CD164: variants seen among roughly 807,000 people sequenced by gnomAD.
CD164 encodes the protein CD164 molecule.
A neutral mutation model predicts 24.6 loss-of-function variants in CD164; 11 were observed. That is an observed-to-expected ratio of 0.45 (90% confidence interval 0.28 to 0.74). The LOEUF (loss-of-function observed/expected upper bound fraction) is 0.74, where lower values mean the gene tolerates loss of function less well. Among genes scored for constraint, CD164 ranks in the 30% least tolerant of loss-of-function variants. The probability of loss-of-function intolerance (pLI) is 0.13; values close to 1 mark genes in which losing one functional copy is unlikely to be tolerated. For synonymous variants in CD164, 126 were observed against 100.3 expected, an observed-to-expected ratio of 1.26 and a Z score of -1.53; for missense variants, 295 against 243.7, an observed-to-expected ratio of 1.21 and a Z score of -1.40.
chr6:109,376,232 T>A, intron 3 of CD164, 120 bp from the exon 4 acceptor site: 1 of 591,566 alleles, frequency 1.7e-6, no homozygotes, highest in Non-Finnish European at 2.8e-6. Flanking sequence ...TTACAACACT[T>A]AAATACTACC....
intron 3 of CD164, among the ~76,000 whole-genome samples, chr6:109,376,706 TAC>T (rs940034672): frequency 1.3e-5 from 2 of 152,224 alleles, no homozygotes; most frequent in Non-Finnish European, 1.5e-5. Flanking sequence ...GCAGTACAAA[TAC>T]AGTTTTCCTT....
At chr6:109,381,745 A>G (rs1019154155) in intron 1 of CD164, 59 of 588,064 alleles carry the variant, frequency 1.0e-4, no homozygotes, top group Non-Finnish European at 1.4e-4. Flanking sequence ...CTTCCGGAGA[A>G]GGCTACCTCC....
intron 4 of CD164, chr6:109,372,863 A>G (rs930294032): frequency 6.6e-6 from 1 of 152,250 alleles, no homozygotes; most frequent in African/African-American, 2.4e-5. Context: ...GGTTCTCATT[A>G]CCCAGCCTCA....
chr6:109,370,371 C>CACATCCTGCAT, intron 5 of CD164, 40 bp downstream of exon 5: 2 of 1,489,194 alleles, frequency 1.3e-6, no homozygotes, highest in Non-Finnish European at 1.9e-6. Flanking sequence ...ACATCGTGCA[C>CACATCCTGCAT]ACATCCTGCA....
intron 4 of CD164, among the ~76,000 whole-genome samples, chr6:109,373,522 A>G (rs1176798793): frequency 6.6e-6 from 1 of 152,176 alleles, no homozygotes; most frequent in Non-Finnish European, 1.5e-5. Flanking sequence ...AAAGAGAGCT[A>G]TAGCACAAAA....
chr6:109,379,500 C>T (rs1771611017), intron 2 of CD164, 79 bp downstream of exon 2: 1 of 1,054,776 alleles, frequency 9.5e-7, no homozygotes, highest in Non-Finnish European at 1.4e-6. Flanking sequence ...AAATGTCCTA[C>T]ATAACTTTCA....
In CD164 at chr6:109,382,405, G is replaced by A. The variant is rs772026269; in HGVS notation, c.-27C>T. On this transcript the variant is annotated 5_prime_UTR_variant, in exon 1 of 6. Transcript: ENST00000310786. ...GTGTCCTCAGCGCTGGCGTTCGGGA[G>A]AAAGCTAAGGCTCGCAACGCTCAGT... 1.1e-5 allele frequency: 17 copies of A among 1,495,880 alleles called. No individual in the cohort carries two copies. In the South Asian group the frequency reaches 1.8e-4, roughly 16 times the overall value. 92.7% of individuals were successfully genotyped at this position (1,495,880 alleles called of 1,614,324 possible).
At position 109,382,457 on chromosome 6, in the gene CD164, C is replaced by T. The variant is rs1582500124; in HGVS notation, c.-79G>A. 2 of 1,328,782 alleles carry T rather than the reference C, an allele frequency of 1.5e-6. No homozygotes were observed. Among genetic ancestry groups the T allele is most frequent in the East Asian group, 6.0e-5 (2 of 33,288 alleles). The allele number at this position is 1,328,782 out of a possible 1,614,324, so 82.3% of individuals were successfully genotyped here. A position where few individuals can be genotyped will look rare whatever the true frequency, so the allele number is the denominator to read the frequency against. ...AACCCCTCAATCCCCTGCGGCGCCG[C>T]CTCCGAGACTACGCTCCCCCGCGGG... On this transcript the variant is annotated 5_prime_UTR_variant, in exon 1 of 6. Coordinates refer to ENST00000310786, the MANE Select transcript of CD164 (RefSeq NM_006016.6).
chr6:109,368,265 C>A lies in CD164; in HGVS notation c.*586G>T, dbSNP rs1037457954. The A allele has an allele frequency of 2.0e-6, 3 of 1,538,074 alleles. No homozygotes were observed. The African/African-American group carries it at 4.1e-5, about 21-fold the overall frequency. On this transcript the variant is annotated 3_prime_UTR_variant, in exon 6 of 6. Coordinates refer to ENST00000310786, the MANE Select transcript of CD164 (RefSeq NM_006016.6). Reference sequence around the variant, plus strand: ...TATGAACAATAATCTGTTATACACACTAATGGTATCCTTTCATTTCTTTAA... The same window carrying A: ...TATGAACAATAATCTGTTATACACAATAATGGTATCCTTTCATTTCTTTAA...
intron 1 of CD164, chr6:109,381,513 T>C: frequency 1.4e-6 from 1 of 702,640 alleles, no homozygotes; most frequent in Non-Finnish European, 2.6e-6. Flanking sequence ...CCTTCCAGTT[T>C]AGCCTTAGGA....
chr6:109,382,252 T>A lies in CD164; in HGVS notation c.127A>T (p.Thr43Ser). Residue 43 changes from threonine to serine, a missense_variant, in exon 1 of 6, where the codon ACC becomes TCC. Coordinates refer to ENST00000310786, the MANE Select transcript of CD164 (RefSeq NM_006016.6). Reference protein sequence around the residue: ...VTTLAPISNVTSAPVTSLPLV... With the variant: ...VTTLAPISNVSSAPVTSLPLV... ...GGGAGGGACGTCACCGGCGCCGAGGTTACGTTGGAGATGGGCGCTAAAGTC... is the reference window on the plus strand; with the variant it reads ...GGGAGGGACGTCACCGGCGCCGAGGATACGTTGGAGATGGGCGCTAAAGTC... 2 of 1,585,770 alleles carry A rather than the reference T, an allele frequency of 1.3e-6. No individual in the cohort carries two copies. The highest frequency in any genetic ancestry group is 1.7e-6 in the Non-Finnish European group (2 of 1,169,082).
chr6:109,377,205 T>C (rs1234023172), intron 3 of CD164, among the ~76,000 whole-genome samples: 1 of 152,232 alleles, frequency 6.6e-6, no homozygotes, highest in Non-Finnish European at 1.5e-5. Context: ...CTAATACTAA[T>C]GAAATGTTCA....
At chr6:109,377,231 T>C (rs965219899) in intron 3 of CD164, among the ~76,000 whole-genome samples, 2 of 152,234 alleles carry the variant, frequency 1.3e-5, no homozygotes, top group Admixed American at 6.5e-5. Context: ...AAAATTCACA[T>C]TGGGATGGGG....
intron 1 of CD164, chr6:109,380,278 GT>G: frequency 6.6e-6 from 1 of 152,310 alleles, no homozygotes; most frequent in Admixed American, 6.5e-5. Context: ...TTTGTCAATA[GT>G]TCATCCTAGG....
chr6:109,373,159 T>G (rs1217328598), intron 4 of CD164, among the ~76,000 whole-genome samples: 1 of 152,230 alleles, frequency 6.6e-6, no homozygotes, highest in Non-Finnish European at 1.5e-5. Context: ...GGTTACTTCT[T>G]GCCATTTTTC....
At chr6:109,375,292 G>A (rs934909339) in intron 4 of CD164, among the ~76,000 whole-genome samples, 3 of 152,006 alleles carry the variant, frequency 2.0e-5, no homozygotes, top group African/African-American at 4.8e-5. Context: ...AGCAGGATGG[G>A]TAAAGTGTAT....
chr6:109,373,045 TA>T (rs142664745), intron 4 of CD164, among the ~76,000 whole-genome samples: 19 of 151,202 alleles, frequency 1.3e-4, no homozygotes, highest in Admixed American at 2.6e-4. Context: ...TAGGAAAGGT[TA>T]AAAAAAAATA....
intron 2 of CD164, among the ~76,000 whole-genome samples, chr6:109,378,874 GGTTT>G (rs570653557): frequency 3.1e-3 from 452 of 144,354 alleles, no homozygotes; most frequent in African/African-American, 0.011. Flanking sequence ...AAAAACTTAT[GGTTT>G]GTTTTTACTT....
In CD164 at chr6:109,368,004, T is replaced by C. The variant is rs910936190; in HGVS notation, c.*847A>G. The C allele has an allele frequency of 1.5e-5, 4 of 263,116 alleles. No individual in the cohort carries two copies. The highest frequency in any genetic ancestry group is 8.9e-5 in the African/African-American group (4 of 45,190). The allele number at this position is 263,116 out of a possible 1,614,324, so 16.3% of individuals were successfully genotyped here. A position where few individuals can be genotyped will look rare whatever the true frequency, so the allele number is the denominator to read the frequency against. On this transcript the variant is annotated 3_prime_UTR_variant, in exon 6 of 6. Coordinates refer to ENST00000310786, the MANE Select transcript of CD164 (RefSeq NM_006016.6). ...TTCAAGATACGAAGGCTTTCAATTC[T>C]GTATAACAGACTTTAGCTTAAGTTT... is the stretch of plus-strand genomic sequence containing the variant.
Sources: allele counts gnomAD v4.1 joint callset (sites outside exome capture counted in the v4.1 genomes callset), GRCh38; gene constraint gnomAD v4.1.1; transcripts MANE v1.5; gene names NCBI Gene and HGNC (gene_info 2026-07-23, HGNC 2026-07-21).